GALNT2: variants seen among roughly 807,000 people sequenced by gnomAD.
The protein encoded by GALNT2 is polypeptide N-acetylgalactosaminyltransferase 2.
In GALNT2, 31 loss-of-function variants were observed where a neutral mutation model predicts 81.4. The observed-to-expected ratio is 0.38, with a 90% CI of 0.29 to 0.51. The LOEUF (loss-of-function observed/expected upper bound fraction) is 0.51, where lower values mean the gene tolerates loss of function less well. Ranked by LOEUF, GALNT2 falls within the 20% of genes least tolerant of loss-of-function variation. GALNT2 has a pLI of 0.87. For missense variants in GALNT2, 629 were observed against 765.7 expected (o/e 0.82, Z 2.11); for synonymous variants, 303 against 287.4 (o/e 1.05, Z -0.55).
At chr1:230,121,884 T>C (rs960302133) in intron 1 of GALNT2, among the ~76,000 whole-genome samples, 1 of 151,848 alleles carries the variant, frequency 6.6e-6, no homozygotes. Flanking sequence ...ATTTATCTTA[T>C]AACGTTTATT....
At chr1:230,181,883 G>C (rs1222023669) in intron 2 of GALNT2, among the ~76,000 whole-genome samples, 1 of 152,160 alleles carries the variant, frequency 6.6e-6, no homozygotes, top group Non-Finnish European at 1.5e-5. Context: ...CTTTCTGTTT[G>C]GGAAGATTAT....
intron 1 of GALNT2, among the ~76,000 whole-genome samples, chr1:230,075,206 A>G (rs1195906937): frequency 3.0e-4 from 42 of 138,622 alleles, no homozygotes; most frequent in African/African-American, 1.0e-3. Flanking sequence ...GCTCACTGCA[A>G]CCTCCGCCTC....
intron 3 of GALNT2, among the ~76,000 whole-genome samples, chr1:230,208,576 AGCCCAAGGGAATGGATGCAGACAGAAGAG>A (rs1006281480): frequency 8.5e-5 from 13 of 152,224 alleles, no homozygotes; most frequent in Non-Finnish European, 1.5e-4. Flanking sequence ...CTGGGTGTTA[AGCCCAAGGGAATGGATGCAGACAGAAGAG>A]GCCCAAGGCC....
chr1:230,093,722 T>C (rs547509482), intron 1 of GALNT2, among the ~76,000 whole-genome samples: 2 of 152,256 alleles, frequency 1.3e-5, no homozygotes, highest in Non-Finnish European at 2.9e-5. Flanking sequence ...GTATTTTTAC[T>C]GTACCTCTGT....
chr1:230,061,874 C>G (rs948254346), intron 1 of GALNT2, among the ~76,000 whole-genome samples: 4 of 152,216 alleles, frequency 2.6e-5, no homozygotes, highest in African/African-American at 9.6e-5. Context: ...ACCTTCTACA[C>G]AAGTTCTAAA....
At chr1:230,236,444 C>T (rs753445791) in intron 5 of GALNT2, 24 bp downstream of exon 5, 2 of 1,606,040 alleles carry the variant, frequency 1.2e-6, no homozygotes, top group East Asian at 2.2e-5. Flanking sequence ...CTGATTTTAT[C>T]CCTGTGTCTG....
intron 3 of GALNT2, among the ~76,000 whole-genome samples, chr1:230,210,219 T>C (rs530010127): frequency 6.6e-6 from 1 of 152,332 alleles, no homozygotes; most frequent in South Asian, 2.1e-4. Context: ...AATCTCTTTC[T>C]CTCTACTAGG....
At position 230,275,658 on chromosome 1, in the gene GALNT2, C is replaced by A. The variant is rs1002612249; in HGVS notation, c.1560+1094C>A. Among the ~76,000 whole-genome samples the A allele has an allele frequency of 6.7e-6, 1 of 150,174 alleles. No homozygotes were observed. The highest frequency in any genetic ancestry group is 1.5e-5 in the Non-Finnish European group (1 of 67,672). Reference sequence around the variant, plus strand: ...ACGCCACATAGATATACAAGCACAACATATATACATGCCACATGTATACAT... The same window carrying A: ...ACGCCACATAGATATACAAGCACAAAATATATACATGCCACATGTATACAT... On this transcript the variant is annotated intron_variant, in intron 15 of 15. Transcript: ENST00000366672. The surrounding 1 kb of genome is among the most constrained non-coding windows in gnomAD (Gnocchi z 5.5).
intron 1 of GALNT2, among the ~76,000 whole-genome samples, chr1:230,098,008 C>T (rs746155854): frequency 2.6e-5 from 4 of 152,176 alleles, no homozygotes; most frequent in Non-Finnish European, 5.9e-5. Flanking sequence ...AACCAGAATA[C>T]ATTCTGAACT....
chr1:230,071,350 G>A (rs1015653871), intron 1 of GALNT2, among the ~76,000 whole-genome samples: 13 of 152,200 alleles, frequency 8.5e-5, no homozygotes, highest in African/African-American at 3.1e-4. Context: ...CAATTGTGGT[G>A]TCAGAATGGG....
chr1:230,076,235 A>G (rs984325397), intron 1 of GALNT2, among the ~76,000 whole-genome samples: 1 of 152,190 alleles, frequency 6.6e-6, no homozygotes, highest in Non-Finnish European at 1.5e-5. Flanking sequence ...TGCTTGTGGA[A>G]CAATCTCATT....
chr1:230,173,348 C>T (rs535895815), intron 1 of GALNT2, among the ~76,000 whole-genome samples: 18 of 152,332 alleles, frequency 1.2e-4, no homozygotes, highest in African/African-American at 3.8e-4. Context: ...TCCTAGACCT[C>T]TGGTTAAACT....
intron 1 of GALNT2, among the ~76,000 whole-genome samples, chr1:230,080,682 A>G (rs1659699728): frequency 6.6e-6 from 1 of 152,120 alleles, no homozygotes; most frequent in Non-Finnish European, 1.5e-5. Flanking sequence ...CACAGGGGCC[A>G]CTGGCCTGGG....
intron 15 of GALNT2, among the ~76,000 whole-genome samples, chr1:230,278,577 C>T (rs953635136): frequency 2.0e-5 from 3 of 152,088 alleles, no homozygotes; most frequent in Non-Finnish European, 2.9e-5. Context: ...AAAGAGGCAT[C>T]GTACCCTGTA....
intron 1 of GALNT2, among the ~76,000 whole-genome samples, chr1:230,115,932 A>G (rs543028524): frequency 3.9e-5 from 6 of 152,264 alleles, no homozygotes; most frequent in South Asian, 2.1e-4. Context: ...TCCAGGTTCT[A>G]TCATGAGTTT....
At chr1:230,242,744 T>G (rs1013330884) in intron 6 of GALNT2, among the ~76,000 whole-genome samples, 2 of 152,180 alleles carry the variant, frequency 1.3e-5, no homozygotes, top group African/African-American at 4.8e-5. Context: ...ACGTGCACAT[T>G]ATTAACACAT....
intron 2 of GALNT2, among the ~76,000 whole-genome samples, chr1:230,179,179 G>T (rs1663081942): frequency 6.6e-6 from 1 of 152,058 alleles, no homozygotes; most frequent in East Asian, 1.9e-4. Flanking sequence ...TTGTCTGGGT[G>T]TATTAGTTTG....
At chr1:230,078,854 A>T (rs539140861) in intron 1 of GALNT2, among the ~76,000 whole-genome samples, 2 of 152,156 alleles carry the variant, frequency 1.3e-5, no homozygotes, top group East Asian at 3.9e-4. Context: ...CCCAGGCTGG[A>T]GTATAGTGGC....
chr1:230,262,657 T>C lies in GALNT2; in HGVS notation c.1221T>C (p.Pro407=). 1 of 1,613,452 alleles carries C rather than the reference T, an allele frequency of 6.2e-7. No individual in the cohort carries two copies. Among genetic ancestry groups the C allele is most frequent in the Non-Finnish European group, 8.5e-7 (1 of 1,179,436 alleles). The change falls in exon 12 of 16, where the codon CCT becomes CCC. Residue 407 remains proline (P), a synonymous_variant. Transcript: ENST00000366672. ...YAAVPSARNV[P]YGNIQSRLEL... ...CAGTGCCTTCTGCTAGAAACGTTCCTTATGGAAAGTAAGTGGCAGTTCTGC... is the reference window on the plus strand; with the variant it reads ...CAGTGCCTTCTGCTAGAAACGTTCCCTATGGAAAGTAAGTGGCAGTTCTGC...
Sources: allele counts gnomAD v4.1 joint callset (sites outside exome capture counted in the v4.1 genomes callset), GRCh38; gene constraint gnomAD v4.1.1; non-coding constraint Gnocchi (gnomAD v3.1); transcripts MANE v1.5; gene names NCBI Gene and HGNC (gene_info 2026-07-23, HGNC 2026-07-21).